Variants in HIVEP2 observed in about 807,000 individuals in gnomAD.
HIVEP2 encodes transcription factor HIVEP2.
Under a neutral mutation model 180.7 loss-of-function variants are expected in HIVEP2, and 14 were observed. That is an observed-to-expected ratio of 0.08 (90% CI 0.05 to 0.12). The LOEUF is 0.12. Among genes scored for constraint, HIVEP2 ranks in the 10% least tolerant of loss-of-function variants. The probability of loss-of-function intolerance (pLI) is 1.00; values close to 1 mark genes in which losing one functional copy is unlikely to be tolerated. For missense variants in HIVEP2, 2,579 were observed against 3,008.5 expected (o/e 0.86, Z 3.34); for synonymous variants, 1,184 against 1,136.4 (o/e 1.04, Z -0.84).
In HIVEP2 at chr6:142,771,153, T is replaced by A; in HGVS notation, c.3586A>T (p.Ile1196Phe). 1 of 1,614,180 alleles carries A rather than the reference T, an allele frequency of 6.2e-7. No individual in the cohort carries two copies. The highest frequency in any genetic ancestry group is 1.1e-5 in the South Asian group (1 of 91,086). ...QPHLFPHQET[I>F]PFSPIQNALF... ...GCATTCTGGATTGGAGAAAATGGAA[T>A]TGTCTCTTGATGTGGAAATAAGTGT... is the stretch of plus-strand genomic sequence containing the variant. Residue 1196 changes from isoleucine to phenylalanine, a missense_variant, in exon 5 of 10, where the codon ATT (isoleucine) becomes TTT (phenylalanine). Ile to Phe is a conservative substitution (Grantham distance 21). This residue lies in a region of HIVEP2 where 523 missense variants were observed against 577.0 expected (regional missense o/e 0.91). Coordinates refer to ENST00000367603, the MANE Select transcript of HIVEP2 (RefSeq NM_006734.4). The surrounding 1 kb of genome is among the most constrained non-coding windows in gnomAD (Gnocchi z 5.4).
intron 8 of HIVEP2, among the ~76,000 whole-genome samples, chr6:142,760,898 A>G (rs1406593043): frequency 6.6e-6 from 1 of 152,218 alleles, no homozygotes; most frequent in Non-Finnish European, 1.5e-5. Context: ...ATTCCATAGT[A>G]GGACTTTATA....
chr6:142,808,778 G>C (rs957606694), intron 2 of HIVEP2, among the ~76,000 whole-genome samples: 14 of 151,810 alleles, frequency 9.2e-5, no homozygotes, highest in African/African-American at 3.4e-4. Flanking sequence ...ATGGAAGGAT[G>C]AATGGATGGA....
chr6:142,757,754 C>T (rs1775114512), intron 9 of HIVEP2, among the ~76,000 whole-genome samples: 2 of 152,122 alleles, frequency 1.3e-5, no homozygotes, highest in Admixed American at 1.3e-4. Flanking sequence ...ACTACTAAAA[C>T]TCATCTCTCT....
rs991109740 is a variant in HIVEP2 at position 142,760,521 on chromosome 6, C to A, written c.5767G>T (p.Asp1923Tyr). The A allele has an allele frequency of 6.8e-6, 11 of 1,613,896 alleles. No homozygotes were observed. The highest frequency in any genetic ancestry group is 1.3e-5 in the African/African-American group (1 of 74,896). ...DDDEDEDDFD[D>Y]QGDLTPKTRS... is the part of the protein sequence containing the mutation. The stretch of plus-strand genomic sequence containing the variant: ...GTTTTTGGTGTTAAATCTCCCTGGT[C>A]GTCAAAGTCATCTTCATCTTCATCA... Residue 1923 changes from aspartate (D) to tyrosine (Y), a missense_variant, in exon 9 of 10, where the codon GAC becomes TAC. Coordinates refer to ENST00000367603, the MANE Select transcript of HIVEP2 (RefSeq NM_006734.4).
intron 1 of HIVEP2, among the ~76,000 whole-genome samples, chr6:142,880,645 G>A (rs1291280056): frequency 6.6e-6 from 1 of 152,080 alleles, no homozygotes; most frequent in African/African-American, 2.4e-5. Flanking sequence ...TACAAACGGG[G>A]AAAGCTGCCC....
Position 142,761,487 on chromosome 6 carries a change from T to G in HIVEP2, c.5597A>C (p.Asp1866Ala). The G allele has an allele frequency of 1.9e-6, 3 of 1,599,398 alleles. No homozygotes were observed. The highest frequency in any genetic ancestry group is 2.6e-6 in the Non-Finnish European group (3 of 1,166,704). The stretch of plus-strand genomic sequence containing the variant: ...ACCTGCTTCCTCAGTTTCTGTATCA[T>G]CCACCGATGTCATTGAGACTCCCAA... ...LELGVSMTSV[D>A]DTETEEAENL... The change falls in exon 8 of 10, where the codon GAT becomes GCT. Residue 1866 changes from aspartate to alanine, a missense_variant. Asp to Ala is a moderately radical substitution (Grantham distance 126). Around this residue, in one of 11 missense-constraint regions of HIVEP2, gnomAD observed 660 missense variants for 731.7 expected, o/e 0.90. Coordinates refer to ENST00000367603, the MANE Select transcript of HIVEP2 (RefSeq NM_006734.4).
At chr6:142,906,710 G>A (rs1454806836) in intron 1 of HIVEP2, among the ~76,000 whole-genome samples, 1 of 151,928 alleles carries the variant, frequency 6.6e-6, no homozygotes, top group Non-Finnish European at 1.5e-5. Flanking sequence ...ATCAGAATAT[G>A]GTAATATGCA....
At chr6:142,754,059 C>A (rs1775000507) in intron 9 of HIVEP2, 128 bp from the exon 10 acceptor site, 4 of 555,298 alleles carry the variant, frequency 7.2e-6, no homozygotes, top group Admixed American at 3.2e-5. Flanking sequence ...ATACCTAATT[C>A]TTTGATCAAG....
At chr6:142,797,262 AT>A (rs1020198468) in intron 2 of HIVEP2, among the ~76,000 whole-genome samples, 1 of 152,132 alleles carries the variant, frequency 6.6e-6, no homozygotes, top group African/African-American at 2.4e-5. Flanking sequence ...TTAAAAAAAA[AT>A]TTTTTAGAAT....
At chr6:142,850,254 G>A (rs1431935724) in intron 1 of HIVEP2, among the ~76,000 whole-genome samples, 2 of 152,070 alleles carry the variant, frequency 1.3e-5, no homozygotes, top group Admixed American at 1.3e-4. Flanking sequence ...AAAATACAAT[G>A]TCCTAACAAT....
intron 1 of HIVEP2, among the ~76,000 whole-genome samples, chr6:142,937,855 G>A (rs1398949525): frequency 2.0e-5 from 3 of 152,180 alleles, no homozygotes; most frequent in Non-Finnish European, 4.4e-5. Flanking sequence ...GGTTGGTTGT[G>A]AGGGCTAAGT....
chr6:142,869,857 T>C (rs1776243537), intron 1 of HIVEP2, among the ~76,000 whole-genome samples: 2 of 152,152 alleles, frequency 1.3e-5, no homozygotes, highest in South Asian at 4.1e-4. Context: ...TTAATACTAT[T>C]AATCTTGTAA....
At chr6:142,905,153 C>G (rs1337545005) in intron 1 of HIVEP2, among the ~76,000 whole-genome samples, 4 of 152,170 alleles carry the variant, frequency 2.6e-5, no homozygotes, top group Non-Finnish European at 5.9e-5. Context: ...TATTGGAAGA[C>G]ATATTGAATT....
intron 1 of HIVEP2, among the ~76,000 whole-genome samples, chr6:142,839,392 G>C (rs896489362): frequency 6.6e-6 from 1 of 152,080 alleles, no homozygotes; most frequent in Non-Finnish European, 1.5e-5. Flanking sequence ...GGGGTTGGGG[G>C]TTGGGGGAGG....
intron 1 of HIVEP2, among the ~76,000 whole-genome samples, chr6:142,936,324 C>G (rs1354597898): frequency 6.6e-6 from 1 of 151,748 alleles, no homozygotes; most frequent in Non-Finnish European, 1.5e-5. Flanking sequence ...TCCCAAGTAG[C>G]TGGGACTACA....
At chr6:142,849,658 G>T (rs1457294200) in intron 1 of HIVEP2, among the ~76,000 whole-genome samples, 1 of 152,020 alleles carries the variant, frequency 6.6e-6, no homozygotes, top group African/African-American at 2.4e-5. Flanking sequence ...GGGACCACAG[G>T]TGTGTGCTGC....
At chr6:142,814,250 A>C (rs1313927978) in intron 2 of HIVEP2, among the ~76,000 whole-genome samples, 2 of 152,228 alleles carry the variant, frequency 1.3e-5, no homozygotes, top group African/African-American at 2.4e-5. Flanking sequence ...AAGCATAAAG[A>C]AACCAGGTAT....
intron 1 of HIVEP2, among the ~76,000 whole-genome samples, chr6:142,871,702 T>C (rs1049527350): frequency 6.6e-6 from 1 of 152,002 alleles, no homozygotes; most frequent in African/African-American, 2.4e-5. Context: ...CATTTTTATC[T>C]CTCCTCTCCC....
chr6:142,821,060 T>C (rs1777020335), intron 2 of HIVEP2, among the ~76,000 whole-genome samples: 2 of 152,210 alleles, frequency 1.3e-5, no homozygotes, highest in African/African-American at 4.8e-5. Flanking sequence ...CAAGGCACTG[T>C]CATGTCCTTG....
Sources: gnomAD v4.1 joint callset for allele counts (sites outside exome capture counted in the v4.1 genomes callset) on GRCh38, gnomAD v4.1.1 for gene constraint, gnomAD v4.1.1 regional missense constraint, Gnocchi (gnomAD v3.1) non-coding constraint, MANE v1.5 for transcripts, NCBI Gene and HGNC (gene_info 2026-07-23, HGNC 2026-07-21) for gene names.